PARL: variants seen among roughly 807,000 people sequenced by gnomAD.
PARL encodes presenilin-associated rhomboid-like protein, mitochondrial.
In PARL, 44 loss-of-function variants were observed where a neutral mutation model predicts 51.6. The observed-to-expected ratio is 0.85, with a 90% confidence interval of 0.67 to 1.10. The LOEUF (loss-of-function observed/expected upper bound fraction) is 1.10. Ranked by LOEUF, PARL falls within the 50% of genes least tolerant of loss-of-function variation. The pLI is 0.00. For missense variants in PARL, 441 were observed against 469.5 expected, an observed-to-expected ratio of 0.94 and a Z score of 0.56; for synonymous variants, 172 against 164.0, an observed-to-expected ratio of 1.05 and a Z score of -0.37.
intron 9 of PARL, among the ~76,000 whole-genome samples, chr3:183,830,011 G>T (rs769805109): frequency 8.5e-5 from 13 of 152,104 alleles, no homozygotes; most frequent in Non-Finnish European, 1.9e-4. Context: ...GAAGCAACCA[G>T]GTCTGAAAGA....
chr3:183,854,336 A>C (rs1006859409), intron 4 of PARL, among the ~76,000 whole-genome samples: 18 of 152,218 alleles, frequency 1.2e-4, no homozygotes, highest in African/African-American at 4.1e-4. Context: ...GGTAGAAATA[A>C]CTCAAATGTC....
Position 183,836,217 on chromosome 3 carries a change from C to CAAAAAAA in PARL, c.829-2399_829-2393dup, listed in dbSNP as rs56354792. 8.1e-4 allele frequency among the ~76,000 whole-genome samples: 68 copies of CAAAAAAA among 84,248 alleles called. 1 individual carries two copies. Among genetic ancestry groups the CAAAAAAA allele is most frequent in the African/African-American group, 3.3e-3 (64 of 19,136 alleles). 55.3% of individuals were successfully genotyped at this position (84,248 alleles called of 152,430 possible). ...GGGCAACAAGAACGAAACTCCATCT[C>CAAAAAAA]AAAAAAAAAAAAAAAAAAAAAAAAA... On this transcript the variant is annotated intron_variant, in intron 7 of 9. Coordinates refer to ENST00000317096, the MANE Select transcript of PARL (RefSeq NM_018622.7).
intron 1 of PARL, among the ~76,000 whole-genome samples, chr3:183,877,637 C>T (rs13087953): frequency 0.05 from 7,587 of 152,194 alleles, 228 homozygotes; most frequent in East Asian, 0.079. Context: ...TCTGATCAGT[C>T]CACAGCCATC....
At chr3:183,841,613 G>T (rs577321618) in intron 6 of PARL, among the ~76,000 whole-genome samples, 1 of 152,160 alleles carries the variant, frequency 6.6e-6, no homozygotes, top group Non-Finnish European at 1.5e-5. Flanking sequence ...AGAGATTTTA[G>T]AAATTAATTT....
intron 7 of PARL, among the ~76,000 whole-genome samples, chr3:183,837,525 G>C (rs1728768600): frequency 6.6e-6 from 1 of 152,188 alleles, no homozygotes; most frequent in Admixed American, 6.6e-5. Flanking sequence ...GACATTAGCA[G>C]AGGCACACTA....
chr3:183,845,768 TGATTCGTGTTGCTCTG>T (rs1036713150), intron 4 of PARL, among the ~76,000 whole-genome samples: 1 of 152,168 alleles, frequency 6.6e-6, no homozygotes, highest in Non-Finnish European at 1.5e-5. Flanking sequence ...AAGAGAGCAG[TGATTCGTGTTGCTCTG>T]GATTCCTTAG....
intron 4 of PARL, among the ~76,000 whole-genome samples, chr3:183,861,466 T>C (rs1731820290): frequency 6.6e-6 from 1 of 152,190 alleles, no homozygotes; most frequent in African/African-American, 2.4e-5. Context: ...TGATAAAAAC[T>C]GCAATGAGTT....
chr3:183,845,512 A>G (rs1729845636), intron 4 of PARL, among the ~76,000 whole-genome samples: 1 of 152,258 alleles, frequency 6.6e-6, no homozygotes, highest in African/African-American at 2.4e-5. Flanking sequence ...CAGTTGTATC[A>G]GATGTCTCAC....
chr3:183,851,514 G>A lies in PARL; in HGVS notation c.512-7188C>T, dbSNP rs371674263. 2.1e-4 allele frequency among the ~76,000 whole-genome samples: 32 copies of A among 152,024 alleles called. 1 individual carries two copies. Among genetic ancestry groups the A allele is most frequent in the Admixed American group, 4.6e-4 (7 of 15,264 alleles). ...GATTTGGAGAAACAGGCATTTCTCC[G>A]AAGAAGAATAAATATACAATAAGAC... On this transcript the variant is annotated intron_variant, in intron 4 of 9. Transcript: ENST00000317096.
At chr3:183,865,105 G>C (rs1015831157) in intron 3 of PARL, among the ~76,000 whole-genome samples, 3 of 151,292 alleles carry the variant, frequency 2.0e-5, no homozygotes, top group African/African-American at 7.3e-5. Context: ...TCAGGAGTTT[G>C]AGACCAGCCT....
At chr3:183,840,821 C>T (rs889898820) in intron 6 of PARL, among the ~76,000 whole-genome samples, 181 bp from the exon 7 acceptor site, 6 of 151,096 alleles carry the variant, frequency 4.0e-5, no homozygotes, top group African/African-American at 1.5e-4. Flanking sequence ...TTATTCTTGT[C>T]CCCCAGCCTC....
At chr3:183,870,903 G>A (rs949044787) in intron 1 of PARL, among the ~76,000 whole-genome samples, 1 of 152,054 alleles carries the variant, frequency 6.6e-6, no homozygotes, top group African/African-American at 2.4e-5. Context: ...TCAGATTTCA[G>A]TTAATATATC....
chr3:183,845,138 T>C (rs992125591), intron 4 of PARL, among the ~76,000 whole-genome samples: 1 of 152,230 alleles, frequency 6.6e-6, no homozygotes, highest in African/African-American at 2.4e-5. Flanking sequence ...AACAGGCAAG[T>C]AGCACTTTCA....
intron 4 of PARL, among the ~76,000 whole-genome samples, chr3:183,849,269 T>C (rs1238659658): frequency 5.3e-5 from 8 of 152,286 alleles, no homozygotes; most frequent in Middle Eastern, 3.4e-3. Flanking sequence ...CATTCCAGGA[T>C]ATGTTCAGTC....
chr3:183,850,684 C>T (rs991666307), intron 4 of PARL, among the ~76,000 whole-genome samples: 5 of 152,122 alleles, frequency 3.3e-5, no homozygotes, highest in African/African-American at 1.2e-4. Flanking sequence ...AAACCAAAGA[C>T]ATCACAAAAA....
chr3:183,877,144 G>A (rs1303505949), intron 1 of PARL, among the ~76,000 whole-genome samples: 1 of 152,206 alleles, frequency 6.6e-6, no homozygotes, highest in Non-Finnish European at 1.5e-5. Flanking sequence ...AACTAAGGAG[G>A]CAGAGGTTGC....
At chr3:183,850,163 A>C (rs944728923) in intron 4 of PARL, among the ~76,000 whole-genome samples, 8 of 152,192 alleles carry the variant, frequency 5.3e-5, no homozygotes, top group African/African-American at 1.9e-4. Flanking sequence ...TGGTGGCTTA[A>C]AACAAAAATC....
At chr3:183,833,187 C>T (rs191713591) in intron 9 of PARL, among the ~76,000 whole-genome samples, 1 of 152,234 alleles carries the variant, frequency 6.6e-6, no homozygotes, top group Admixed American at 6.5e-5. Context: ...AAGATGTCAG[C>T]ATAGACTGGG....
intron 4 of PARL, chr3:183,861,258 G>A (rs1731794269): frequency 1.0e-6 from 1 of 978,082 alleles, no homozygotes; most frequent in Non-Finnish European, 1.2e-6. Flanking sequence ...TGGCAACACT[G>A]AAAAATCTCA....
Sources: allele counts gnomAD v4.1 joint callset (sites outside exome capture counted in the v4.1 genomes callset), GRCh38; gene constraint gnomAD v4.1.1; transcripts MANE v1.5; gene names NCBI Gene and HGNC (gene_info 2026-07-23, HGNC 2026-07-21).